The following CEP135 variants were observed in gnomAD, a reference collection of about 807,000 sequenced individuals.
The protein encoded by CEP135 is centrosomal protein 135.
Under a neutral mutation model 157.3 loss-of-function variants are expected in CEP135, and 142 were observed. The observed-to-expected ratio is 0.90, with a 90% CI of 0.79 to 1.04. The LOEUF (loss-of-function observed/expected upper bound fraction) is 1.04. Ranked by LOEUF, CEP135 falls within the 50% of genes least tolerant of loss-of-function variation. CEP135 has a pLI of 0.00. For missense variants in CEP135, 1,317 were observed against 1,309.2 expected, an observed-to-expected ratio of 1.01 and a Z score of -0.09; for synonymous variants, 396 against 439.8, an observed-to-expected ratio of 0.90 and a Z score of 1.25.
chr4:55,978,469 C>T (rs1254852171), intron 11 of CEP135, among the ~76,000 whole-genome samples: 2 of 152,182 alleles, frequency 1.3e-5, no homozygotes, highest in African/African-American at 4.8e-5. Context: ...GACACCTAAA[C>T]AGTAATAAAA....
At position 55,970,585 on chromosome 4, in the gene CEP135, C is replaced by T. The variant is rs181552418; in HGVS notation, c.1111-685C>T. Among the ~76,000 whole-genome samples, 436 of 152,268 alleles carry T rather than the reference C, an allele frequency of 2.9e-3. 3 individuals are homozygous for T. Among genetic ancestry groups the T allele is most frequent in the African/African-American group, 0.01 (425 of 41,546 alleles). On this transcript the variant is annotated intron_variant, in intron 9 of 25. Coordinates refer to ENST00000257287, the MANE Select transcript of CEP135 (RefSeq NM_025009.5). ...TTGTTCACTGCTAGTTGTATGTGCA[C>T]TAAATGTTGGATGTGATTCATAATA... is the stretch of plus-strand genomic sequence containing the variant.
intron 23 of CEP135, among the ~76,000 whole-genome samples, chr4:56,019,832 A>G (rs573579625): frequency 3.3e-5 from 5 of 151,914 alleles, no homozygotes; most frequent in African/African-American, 1.2e-4. Context: ...CCAGCTACTC[A>G]GGAGGCTGAA....
chr4:55,995,458 G>C (rs1262436919), intron 15 of CEP135, among the ~76,000 whole-genome samples: 1 of 152,134 alleles, frequency 6.6e-6, no homozygotes, highest in Non-Finnish European at 1.5e-5. Context: ...ACCTGTGACT[G>C]TATTATCTCG....
intron 11 of CEP135, among the ~76,000 whole-genome samples, chr4:55,975,559 A>G (rs1729176201): frequency 6.6e-6 from 1 of 152,224 alleles, no homozygotes; most frequent in Non-Finnish European, 1.5e-5. Context: ...CAATGTGTGT[A>G]TTATTTAAAG....
intron 21 of CEP135, among the ~76,000 whole-genome samples, chr4:56,013,356 T>G (rs1730657874): frequency 1.3e-5 from 2 of 152,304 alleles, no homozygotes; most frequent in Non-Finnish European, 2.9e-5. Context: ...CAGTTTTTGA[T>G]GTACAGAAGT....
intron 17 of CEP135, among the ~76,000 whole-genome samples, chr4:56,007,386 T>C (rs1730392415): frequency 6.6e-6 from 1 of 152,222 alleles, no homozygotes; most frequent in Non-Finnish European, 1.5e-5. Flanking sequence ...CCAAAGGGGA[T>C]GTCCCAGCAG....
chr4:55,994,127 G>A (rs575310791), intron 15 of CEP135, among the ~76,000 whole-genome samples: 2 of 152,196 alleles, frequency 1.3e-5, no homozygotes, highest in South Asian at 2.1e-4. Context: ...CATGATACCC[G>A]GCACTCTTGG....
intron 14 of CEP135, among the ~76,000 whole-genome samples, chr4:55,991,651 ACT>A (rs1560412765): frequency 6.6e-6 from 1 of 151,804 alleles, no homozygotes; most frequent in East Asian, 1.9e-4. Context: ...CAAAATTTTC[ACT>A]CTGCCAGTGG....
rs1164291932 is a variant in CEP135, at chr4:56,032,607, T to C, written c.*1259T>C. Reference sequence around the variant, plus strand: ...TTAACGCCGAACTGTGTAATATACATGGAAAACAGCTTTTTACAATTAATT... The same window carrying C: ...TTAACGCCGAACTGTGTAATATACACGGAAAACAGCTTTTTACAATTAATT... On this transcript the variant is annotated 3_prime_UTR_variant, in exon 26 of 26. Transcript: ENST00000257287. 1 of 152,200 alleles carries C rather than the reference T, an allele frequency of 6.6e-6. No individual in the cohort carries two copies. Among genetic ancestry groups the C allele is most frequent in the East Asian group, 1.9e-4 (1 of 5,200 alleles). 9.4% of individuals were successfully genotyped at this position (152,200 alleles called of 1,614,324 possible).
intron 14 of CEP135, among the ~76,000 whole-genome samples, chr4:55,987,382 C>G (rs1729624994): frequency 6.6e-6 from 1 of 152,166 alleles, no homozygotes; most frequent in African/African-American, 2.4e-5. Context: ...TGCACCTCTC[C>G]TCTAATACCT....
At chr4:56,029,127 A>T (rs903516759) in intron 25 of CEP135, among the ~76,000 whole-genome samples, 5 of 152,228 alleles carry the variant, frequency 3.3e-5, no homozygotes, top group African/African-American at 4.8e-5. Context: ...AGGGATGCAT[A>T]GGGCAAATTA....
intron 21 of CEP135, 125 bp from the exon 22 acceptor site, chr4:56,017,523 A>G (rs1365581193): frequency 8.2e-6 from 6 of 733,506 alleles, no homozygotes; most frequent in Non-Finnish European, 1.3e-5. Flanking sequence ...TCCTGAGAGT[A>G]TTTTAAAATA....
intron 17 of CEP135, among the ~76,000 whole-genome samples, chr4:56,001,322 A>G (rs1426265608): frequency 6.6e-6 from 1 of 152,112 alleles, no homozygotes; most frequent in African/African-American, 2.4e-5. Context: ...TACACAGACA[A>G]TATTTGTCCA....
At chr4:55,982,019 A>G (rs1729427788) in intron 13 of CEP135, among the ~76,000 whole-genome samples, 1 of 152,130 alleles carries the variant, frequency 6.6e-6, no homozygotes, top group Non-Finnish European at 1.5e-5. Flanking sequence ...GACTATCTGT[A>G]TATTCATAGG....
chr4:55,957,367 G>A lies in CEP135; in HGVS notation c.614+3G>A. 2 of 1,606,764 alleles carry A rather than the reference G, an allele frequency of 1.2e-6. No homozygotes were observed. Among genetic ancestry groups the A allele is most frequent in the Non-Finnish European group, 1.7e-6 (2 of 1,178,228 alleles). Reference sequence around the variant, plus strand: ...CTCCTTCAAGTGGCTGATAACAGGTGCATTAAATAATTCTTTCTTGGCTTG... The same window carrying A: ...CTCCTTCAAGTGGCTGATAACAGGTACATTAAATAATTCTTTCTTGGCTTG... On this transcript the variant is annotated splice_donor_region_variant and intron_variant, in intron 5 of 25. Coordinates refer to ENST00000257287, the MANE Select transcript of CEP135 (RefSeq NM_025009.5).
intron 21 of CEP135, among the ~76,000 whole-genome samples, chr4:56,014,564 CG>C (rs1388396942): frequency 6.6e-6 from 1 of 152,122 alleles, no homozygotes; most frequent in East Asian, 1.9e-4. Flanking sequence ...GGCTAAGTTA[CG>C]GTCTACTGTT....
intron 17 of CEP135, among the ~76,000 whole-genome samples, chr4:56,004,631 G>A (rs1032847136): frequency 6.6e-6 from 1 of 152,104 alleles, no homozygotes; most frequent in African/African-American, 2.4e-5. Flanking sequence ...CTCTCTTTCT[G>A]TATTGACCCC....
In CEP135 at chr4:56,017,811, A is replaced by T; in HGVS notation, c.2966A>T (p.Asp989Val). 6.2e-7 allele frequency: 1 copy of T among 1,613,554 alleles called. No homozygotes were observed. The highest frequency in any genetic ancestry group is 8.5e-7 in the Non-Finnish European group (1 of 1,179,994). Reference protein sequence around the residue: ...ELCIKLDSGKDIMTQQLNSKN... With the variant: ...ELCIKLDSGKVIMTQQLNSKN... ...TGCATTAAACTTGATTCAGGCAAAG[A>T]TATTATGACCCAGCAATTGAATTCG... The change falls in exon 22 of 26, where the codon GAT becomes GTT. Residue 989 changes from aspartate to valine, a missense_variant. Asp to Val is a radical substitution (Grantham distance 152, BLOSUM62 -3). Coordinates refer to ENST00000257287, the MANE Select transcript of CEP135 (RefSeq NM_025009.5).
chr4:56,000,418 T>C (rs940060948), intron 17 of CEP135, among the ~76,000 whole-genome samples: 1 of 152,176 alleles, frequency 6.6e-6, no homozygotes, highest in African/African-American at 2.4e-5. Context: ...CCTATTGATA[T>C]CTTTCGAACA....
Sources: allele counts gnomAD v4.1 joint callset (sites outside exome capture counted in the v4.1 genomes callset), GRCh38; gene constraint gnomAD v4.1.1; transcripts MANE v1.5; gene names NCBI Gene and HGNC (gene_info 2026-07-23, HGNC 2026-07-21).